Variants in DPYD observed in about 807,000 individuals in gnomAD.
The protein encoded by DPYD is dihydropyrimidine dehydrogenase [NADP(+)].
DPYD carries 109 observed loss-of-function variants against 116.2 expected under a neutral mutation model. That is an observed-to-expected ratio of 0.94 (90% CI 0.80 to 1.10). The LOEUF is 1.10. Among genes scored for constraint, DPYD ranks in the 50% least tolerant of loss-of-function variants. The pLI, the probability that DPYD is intolerant of heterozygous loss-of-function variation, is 0.00. For synonymous variants in DPYD, 440 were observed against 432.0 expected (o/e 1.02, Z -0.23); for missense variants, 1,302 against 1,254.5 (o/e 1.04, Z -0.57).
At chr1:97,080,004 T>G in intron 22 of DPYD, among the ~76,000 whole-genome samples, 1 of 152,184 alleles carries the variant, frequency 6.6e-6, no homozygotes, top group Admixed American at 6.6e-5. Context: ...ATTTTCCCAT[T>G]AAAGAGAAAC....
chr1:97,887,998 T>A (rs964266023), intron 1 of DPYD, among the ~76,000 whole-genome samples: 2 of 152,078 alleles, frequency 1.3e-5, no homozygotes, highest in African/African-American at 4.8e-5. Flanking sequence ...CATGCACAAC[T>A]GTGAGTCAGT....
chr1:97,119,514 A>G (rs887862339), intron 20 of DPYD, among the ~76,000 whole-genome samples: 1 of 152,122 alleles, frequency 6.6e-6, no homozygotes, highest in African/African-American at 2.4e-5. Context: ...GTGGGTGAAC[A>G]TGGGCCCTAT....
intron 13 of DPYD, among the ~76,000 whole-genome samples, chr1:97,472,830 G>A (rs1456425688): frequency 6.6e-6 from 1 of 152,124 alleles, no homozygotes; most frequent in Non-Finnish European, 1.5e-5. Flanking sequence ...TGATTTTCCA[G>A]CTTTATTGAG....
chr1:97,587,186 C>A (rs1654185679), intron 10 of DPYD, among the ~76,000 whole-genome samples: 1 of 152,244 alleles, frequency 6.6e-6, no homozygotes, highest in South Asian at 2.1e-4. Context: ...ATGTGTCATC[C>A]CCCTGTCATC....
chr1:97,735,685 CATAA>C (rs5776378), intron 4 of DPYD, among the ~76,000 whole-genome samples: 62,889 of 133,464 alleles, frequency 0.47, 15,171 homozygotes, highest in South Asian at 0.64. Flanking sequence ...AAGACTCTGT[CATAA>C]ATAAATAAAT....
At chr1:97,437,109 A>G (rs1391715573) in intron 14 of DPYD, among the ~76,000 whole-genome samples, 1 of 151,798 alleles carries the variant, frequency 6.6e-6, no homozygotes, top group African/African-American at 2.4e-5. Context: ...CTTTAAGACC[A>G]TTATCACAAT....
rs114466273 is a variant in DPYD, at chr1:97,846,222, C to T, written c.151-18026G>A. On this transcript the variant is annotated intron_variant, in intron 2 of 22. Transcript: ENST00000370192. ...ACGTGACACTGGGATGGTGGCACAA[C>T]CAAGACAGGACATGGAAGCTCCGTG... is the stretch of plus-strand genomic sequence containing the variant. Among the ~76,000 whole-genome samples, 951 of 152,306 alleles carry T rather than the reference C, an allele frequency of 6.2e-3. 6 individuals are homozygous for T. The highest frequency in any genetic ancestry group is 0.022 in the African/African-American group (903 of 41,552).
intron 14 of DPYD, among the ~76,000 whole-genome samples, chr1:97,387,094 T>A (rs1672391471): frequency 6.6e-6 from 1 of 152,124 alleles, no homozygotes; most frequent in African/African-American, 2.4e-5. Flanking sequence ...ATATTTCACT[T>A]AATTTATGCC....
intron 5 of DPYD, among the ~76,000 whole-genome samples, chr1:97,708,230 G>A (rs979437863): frequency 2.0e-5 from 3 of 151,988 alleles, no homozygotes; most frequent in South Asian, 2.1e-4. Context: ...TTGTCTAACC[G>A]AAGGTCATCT....
At chr1:97,837,686 A>C (rs1006917820) in intron 2 of DPYD, among the ~76,000 whole-genome samples, 4 of 152,192 alleles carry the variant, frequency 2.6e-5, no homozygotes, top group African/African-American at 9.6e-5. Context: ...AGTGATTATC[A>C]ATTCTAAAAT....
chr1:97,840,015 A>C (rs962834518), intron 2 of DPYD, among the ~76,000 whole-genome samples: 1 of 152,048 alleles, frequency 6.6e-6, no homozygotes, highest in African/African-American at 2.4e-5. Flanking sequence ...TTTGTCATTT[A>C]TGTCATAAAT....
At chr1:97,355,468 A>G (rs1190759718) in intron 16 of DPYD, among the ~76,000 whole-genome samples, 2 of 152,158 alleles carry the variant, frequency 1.3e-5, no homozygotes, top group Non-Finnish European at 2.9e-5. Context: ...TATATTCACC[A>G]TGTTTTACAA....
chr1:97,674,442 G>C (rs1020465492), intron 8 of DPYD, among the ~76,000 whole-genome samples: 1 of 152,134 alleles, frequency 6.6e-6, no homozygotes, highest in Non-Finnish European at 1.5e-5. Context: ...ACCTAAATGT[G>C]TCTTACTGGA....
chr1:97,690,128 C>T (rs1045179582), intron 7 of DPYD, among the ~76,000 whole-genome samples: 1 of 152,002 alleles, frequency 6.6e-6, no homozygotes, highest in Non-Finnish European at 1.5e-5. Flanking sequence ...CATATGTAAA[C>T]AAATATTTTT....
chr1:97,285,014 A>T (rs1242864759), intron 18 of DPYD, among the ~76,000 whole-genome samples: 6 of 152,168 alleles, frequency 3.9e-5, no homozygotes, highest in Non-Finnish European at 8.8e-5. Flanking sequence ...AGAGACACAC[A>T]CAACATTGAT....
At chr1:97,485,098 G>GTA (rs1184289694) in intron 13 of DPYD, among the ~76,000 whole-genome samples, 2 of 152,168 alleles carry the variant, frequency 1.3e-5, no homozygotes, top group African/African-American at 2.4e-5. Flanking sequence ...CTTCCTCAAT[G>GTA]TATACATTAG....
chr1:97,880,371 A>G (rs1672146505), intron 2 of DPYD, among the ~76,000 whole-genome samples: 1 of 151,916 alleles, frequency 6.6e-6, no homozygotes, highest in Non-Finnish European at 1.5e-5. Context: ...GGTCTTTATG[A>G]ATTGAAAAAC....
At chr1:97,579,196 G>A (rs527411719) in intron 10 of DPYD, among the ~76,000 whole-genome samples, 28 of 152,308 alleles carry the variant, frequency 1.8e-4, no homozygotes, top group African/African-American at 6.3e-4. Flanking sequence ...AATGTCACAT[G>A]GAAGGACAGG....
chr1:97,546,478 G>C lies in DPYD; in HGVS notation c.1524+3082C>G, dbSNP rs902792311. 1.1e-5 allele frequency: 17 copies of C among 1,603,842 alleles called. No homozygotes were observed. In the African/African-American group the frequency reaches 2.0e-4, roughly 19 times the overall value. ...TGGTAGTGACAGAGACTCTGATAGA[G>C]AGCAAGATGAAAAACAAAACAAAGA... is the stretch of plus-strand genomic sequence containing the variant. On this transcript the variant is annotated intron_variant, in intron 12 of 22. Coordinates refer to ENST00000370192, the MANE Select transcript of DPYD (RefSeq NM_000110.4).
Sources: gnomAD v4.1 joint callset for allele counts (sites outside exome capture counted in the v4.1 genomes callset) on GRCh38, gnomAD v4.1.1 for gene constraint, MANE v1.5 for transcripts, NCBI Gene and HGNC (gene_info 2026-07-23, HGNC 2026-07-21) for gene names.